Variants in RPS6KA6 observed in about 807,000 individuals in gnomAD.
RPS6KA6 encodes ribosomal protein S6 kinase alpha-6.
A neutral mutation model predicts 65.4 loss-of-function variants in RPS6KA6; 27 were observed. The ratio of observed to expected loss-of-function variants is 0.41; its 90% confidence interval spans 0.30 to 0.57. RPS6KA6 has a LOEUF of 0.57. Ranked by LOEUF, RPS6KA6 falls within the 20% of genes least tolerant of loss-of-function variation. RPS6KA6 has a pLI of 0.24. For missense variants in RPS6KA6, 486 were observed against 555.6 expected (o/e 0.87, Z 1.26); for synonymous variants, 190 against 184.2 (o/e 1.03, Z -0.26).
At chrX:84,070,288 G>A (rs1389409420) in intron 20 of RPS6KA6, among the ~76,000 whole-genome samples, 2 of 111,090 alleles carry the variant, frequency 1.8e-5, no homozygotes, top group Non-Finnish European at 1.9e-5. Context: ...GCAAACTAAC[G>A]CAGGAACAGA....
intron 20 of RPS6KA6, among the ~76,000 whole-genome samples, chrX:84,075,606 A>G (rs1456075276): frequency 2.7e-5 from 3 of 111,480 alleles, no homozygotes; most frequent in Non-Finnish European, 3.8e-5. Context: ...AAATCACTCA[A>G]AACCCAAGAC....
chrX:84,101,899 C>T (rs2034265822), intron 18 of RPS6KA6, 138 bp downstream of exon 18: 1 of 448,225 alleles, frequency 2.2e-6, no homozygotes, highest in Non-Finnish European at 3.5e-6. Flanking sequence ...TATGAGAATT[C>T]CCTGATTTAA....
chrX:84,140,291 T>C (rs1314048339), intron 6 of RPS6KA6, among the ~76,000 whole-genome samples: 1 of 111,507 alleles, frequency 9.0e-6, no homozygotes, highest in Non-Finnish European at 1.9e-5. Flanking sequence ...GACTGAAAGC[T>C]GTGTTAGTCC....
At chrX:84,139,915 G>A (rs2035065275) in intron 6 of RPS6KA6, among the ~76,000 whole-genome samples, 1 of 111,786 alleles carries the variant, frequency 8.9e-6, no homozygotes, top group African/African-American at 3.3e-5. Flanking sequence ...AGTACAGGGA[G>A]GGCTAAGTCA....
Position 84,135,189 on chromosome X carries a change from C to T in RPS6KA6, c.523G>A (p.Val175Met). Residue 175 changes from valine to methionine, a missense_variant, in exon 7 of 22, where the codon GTG becomes ATG. This residue lies in a region of RPS6KA6 where 35 missense variants were observed against 75.5 expected (regional missense o/e 0.46). Coordinates refer to ENST00000262752, the MANE Select transcript of RPS6KA6 (RefSeq NM_014496.5). ...SKEVLFTEEDVKFYLAELALA... is the reference protein window; with the variant it reads ...SKEVLFTEEDMKFYLAELALA... ...GCCAGTTCTGCGAGGTAGAATTTCA[C>T]ATCTTCCTCTGTAAACAGAACCTAG... is the stretch of plus-strand genomic sequence containing the variant. 1 of 1,190,852 alleles carries T rather than the reference C, an allele frequency of 8.4e-7. No homozygotes were observed. The highest frequency in any genetic ancestry group is 1.8e-5 in the South Asian group (1 of 55,749).
chrX:84,062,318 C>T lies in RPS6KA6; in HGVS notation c.*1959G>A, dbSNP rs773446191. 12 of 111,420 alleles carry T rather than the reference C, an allele frequency of 1.1e-4. No individual in the cohort carries two copies. Among genetic ancestry groups the T allele is most frequent in the Non-Finnish European group, 2.3e-4 (12 of 52,961 alleles). 9.2% of individuals were successfully genotyped at this position (111,420 alleles called of 1,213,427 possible). On this transcript the variant is annotated 3_prime_UTR_variant, in exon 22 of 22. Transcript: ENST00000262752. ...TCCCCTAATTTTATTACTTAAAATG[C>T]ATCCATGGAAATAGTATCTCTGTCC...
Position 84,107,703 on chromosome X carries a change from T to C in RPS6KA6, c.1031A>G (p.Gln344Arg), listed in dbSNP as rs112718501. The change falls in exon 13 of 22, where the codon CAA becomes CGA. Residue 344 changes from glutamine (Q) to arginine (R), a missense_variant. Physicochemically the swap from Gln to Arg is conservative, Grantham distance 43 (BLOSUM62 1). Transcript: ENST00000262752. ...TCCAGAAGCAGGTTTGAAAGGAGGT[T>C]GAACTTCTCTTTTATATAATTTCTA... is the stretch of plus-strand genomic sequence containing the variant. ...DWDKLYKREV[Q>R]PPFKPASGKP... 1 of 1,174,452 alleles carries C rather than the reference T, an allele frequency of 8.5e-7. No homozygotes were observed. Among genetic ancestry groups the C allele is most frequent in the Non-Finnish European group, 1.2e-6 (1 of 864,550 alleles).
chrX:84,068,737 A>C (rs1015766396), intron 20 of RPS6KA6, among the ~76,000 whole-genome samples: 1 of 112,109 alleles, frequency 8.9e-6, no homozygotes, highest in African/African-American at 3.2e-5. Context: ...AGGATACAAA[A>C]CCAATGTGCA....
chrX:84,140,912 A>AT (rs2035090533), intron 6 of RPS6KA6, among the ~76,000 whole-genome samples: 1 of 109,379 alleles, frequency 9.1e-6, no homozygotes, highest in African/African-American at 3.3e-5. Flanking sequence ...GAAAAGCCTC[A>AT]TAATTCAAAG....
chrX:84,177,289 A>C (rs1466630211), intron 1 of RPS6KA6, among the ~76,000 whole-genome samples: 6 of 111,674 alleles, frequency 5.4e-5, no homozygotes, highest in Non-Finnish European at 1.1e-4. Context: ...AATAACTCAG[A>C]TTGCAGATGT....
chrX:84,134,957 T>G (rs957405792), intron 7 of RPS6KA6, 138 bp from the exon 8 acceptor site: 2 of 587,012 alleles, frequency 3.4e-6, no homozygotes, highest in Non-Finnish European at 5.4e-6. Flanking sequence ...TTAAAGTCAA[T>G]GTACGTCTCA....
intron 8 of RPS6KA6, among the ~76,000 whole-genome samples, chrX:84,125,010 A>G (rs2034752915): frequency 8.9e-6 from 1 of 111,850 alleles, no homozygotes; most frequent in Non-Finnish European, 1.9e-5. Flanking sequence ...GACATATTTA[A>G]AGTGCTGAAA....
chrX:84,065,441 T>C (rs982255869), intron 20 of RPS6KA6, among the ~76,000 whole-genome samples: 1 of 111,785 alleles, frequency 8.9e-6, no homozygotes, highest in Non-Finnish European at 1.9e-5. Flanking sequence ...ACAGGAGCTA[T>C]TGAACTTTGC....
intron 8 of RPS6KA6, among the ~76,000 whole-genome samples, chrX:84,133,865 A>G (rs185730066): frequency 1.2e-3 from 130 of 111,972 alleles, no homozygotes; most frequent in Admixed American, 5.3e-3. Context: ...CTGTGAATCA[A>G]TAAGAGTCAC....
intron 16 of RPS6KA6, among the ~76,000 whole-genome samples, chrX:84,105,270 T>G (rs765568252): frequency 9.0e-6 from 1 of 111,359 alleles, no homozygotes; most frequent in African/African-American, 3.2e-5. Flanking sequence ...TTGACTTTTC[T>G]GTCTTGTATA....
intron 1 of RPS6KA6, among the ~76,000 whole-genome samples, chrX:84,177,419 A>C (rs2147640523): frequency 8.9e-6 from 1 of 111,792 alleles, no homozygotes; most frequent in African/African-American, 3.2e-5. Flanking sequence ...GCGACCAAGT[A>C]AACTACAGAG....
At chrX:84,180,279 A>G (rs1327018941) in intron 1 of RPS6KA6, among the ~76,000 whole-genome samples, 1 of 112,313 alleles carries the variant, frequency 8.9e-6, no homozygotes, top group East Asian at 2.8e-4. Flanking sequence ...GTTTTATGTA[A>G]TAATTTCCCC....
intron 8 of RPS6KA6, among the ~76,000 whole-genome samples, chrX:84,125,019 A>G (rs2034753727): frequency 8.9e-6 from 1 of 111,983 alleles, no homozygotes; most frequent in Non-Finnish European, 1.9e-5. Context: ...AAAGTGCTGA[A>G]AAAAAATTAC....
chrX:84,086,449 C>T (rs1489280200), intron 20 of RPS6KA6, among the ~76,000 whole-genome samples: 3 of 111,492 alleles, frequency 2.7e-5, no homozygotes, highest in African/African-American at 6.5e-5. Flanking sequence ...CTTCAATTTC[C>T]GTGTAGTTGT....
Sources: gnomAD v4.1 joint callset for allele counts (sites outside exome capture counted in the v4.1 genomes callset) on GRCh38, gnomAD v4.1.1 for gene constraint, gnomAD v4.1.1 regional missense constraint, MANE v1.5 for transcripts, NCBI Gene and HGNC (gene_info 2026-07-23, HGNC 2026-07-21) for gene names.